CEP170: variants seen among roughly 807,000 people sequenced by gnomAD.
The protein encoded by CEP170 is centrosomal protein of 170 kDa.
Under a neutral mutation model 151.9 loss-of-function variants are expected in CEP170, and 21 were observed. That is an observed-to-expected ratio of 0.14 (90% CI 0.10 to 0.20). CEP170 has a LOEUF of 0.20. Among genes scored for constraint, CEP170 ranks in the 10% least tolerant of loss-of-function variants. The pLI, the probability that CEP170 is intolerant of heterozygous loss-of-function variation, is 1.00. For synonymous variants in CEP170, 356 were observed against 648.8 expected, an observed-to-expected ratio of 0.55 and a Z score of 6.86; for missense variants, 964 against 1,892.9, an observed-to-expected ratio of 0.51 and a Z score of 9.11.
rs3112073 is a variant in CEP170, at chr1:243,204,192, G to C, written c.275-3357C>G. On this transcript the variant is annotated intron_variant, in intron 4 of 19. Transcript: ENST00000366542. ...TTTTGTTATGGATATCAACCACATAGATAAGGAAAAATCTTAACTTCTCTG... is the reference window on the plus strand; with the variant it reads ...TTTTGTTATGGATATCAACCACATACATAAGGAAAAATCTTAACTTCTCTG... Among the ~76,000 whole-genome samples, 4 of 152,202 alleles carry C rather than the reference G, an allele frequency of 2.6e-5. No homozygotes were observed. The South Asian group carries it at 8.3e-4, about 32-fold the overall frequency.
chr1:243,196,475 G>C (rs1156258457), intron 7 of CEP170, among the ~76,000 whole-genome samples: 1 of 152,090 alleles, frequency 6.6e-6, no homozygotes, highest in African/African-American at 2.4e-5. Context: ...TGAAGTGTTA[G>C]CTATTACTGT....
chr1:243,154,488 CCTT>C (rs2057383432), intron 14 of CEP170, among the ~76,000 whole-genome samples: 1 of 152,176 alleles, frequency 6.6e-6, no homozygotes, highest in Non-Finnish European at 1.5e-5. Context: ...CCACCACCCT[CCTT>C]TTTTCTCCAC....
At chr1:243,137,830 G>T (rs1388300591) in intron 16 of CEP170, among the ~76,000 whole-genome samples, 4 of 151,476 alleles carry the variant, frequency 2.6e-5, no homozygotes, top group Admixed American at 2.0e-4. Flanking sequence ...ATTGATGAGT[G>T]GCATAAATAA....
intron 17 of CEP170, among the ~76,000 whole-genome samples, chr1:243,129,857 GGA>G (rs141463612): frequency 3.3e-5 from 5 of 150,716 alleles, no homozygotes; most frequent in African/African-American, 2.4e-5. Context: ...TTTGGGAGAG[GGA>G]GAGAGAGAGA....
chr1:243,148,297 G>A lies in CEP170; in HGVS notation c.3912-5834C>T, dbSNP rs182445298. 9.0e-4 allele frequency among the ~76,000 whole-genome samples: 137 copies of A among 151,786 alleles called. 1 individual carries two copies. Among genetic ancestry groups the A allele is most frequent in the Admixed American group, 4.1e-3 (62 of 15,246 alleles). ...TATTTGGTATCAGTATCAGCTGGGC[G>A]CGGTGGCTCATGCCTGTAATCCTAG... On this transcript the variant is annotated intron_variant, in intron 14 of 19. Coordinates refer to ENST00000366542, the MANE Select transcript of CEP170 (RefSeq NM_014812.3).
rs1365610474 is a variant in CEP170, at chr1:243,184,362, C to CTA, written c.1566+1415_1566+1416dup. 1.5e-3 allele frequency among the ~76,000 whole-genome samples: 226 copies of CTA among 150,924 alleles called. 2 individuals carry two copies. Among genetic ancestry groups the CTA allele is most frequent in the African/African-American group, 4.5e-3 (183 of 41,042 alleles). ...CTTAAATTGCACTCTCTCTCTCTCT[C>CTA]TATATATATATACATATAAAATCCT... On this transcript the variant is annotated intron_variant, in intron 10 of 19. Transcript: ENST00000366542.
At chr1:243,254,439 A>ACGGGGTGCAGTCGCCAGG (rs1422017714) in intron 1 of CEP170, 8 of 152,236 alleles carry the variant, frequency 5.3e-5, no homozygotes, top group Non-Finnish European at 7.3e-5. Flanking sequence ...CAGAGCCTCC[A>ACGGGGTGCAGTCGCCAGG]CGGGGTGCAG....
rs759253007 is a variant in CEP170, at chr1:243,186,041, C to T, written c.1304G>A (p.Gly435Asp). Residue 435 changes from glycine (G) to aspartate (D), a missense_variant, in exon 10 of 20, where the codon GGT becomes GAT. Transcript: ENST00000366542. The part of the protein sequence containing the change: ...TSSAHHRGGH[G>D]VPHGKLLKQK... ...TTTTAACAATTTCCCATGTGGAACA[C>T]CATGCCCCCCTCTGTGATGCGCAGA... The T allele has an allele frequency of 6.2e-7, 1 of 1,613,748 alleles. No individual in the cohort carries two copies. The highest frequency in any genetic ancestry group is 8.5e-7 in the Non-Finnish European group (1 of 1,179,694).
intron 14 of CEP170, among the ~76,000 whole-genome samples, chr1:243,154,264 TTATC>T (rs1386190351): frequency 7.9e-5 from 12 of 152,410 alleles, no homozygotes; most frequent in African/African-American, 9.6e-5. Flanking sequence ...AAAAGTGTCT[TTATC>T]TATTACTCTT....
intron 10 of CEP170, among the ~76,000 whole-genome samples, chr1:243,181,868 G>A (rs1034058418): frequency 6.6e-6 from 1 of 151,920 alleles, no homozygotes; most frequent in Non-Finnish European, 1.5e-5. Context: ...ATCAATGTTG[G>A]TGTTGCTGAG....
At chr1:243,170,503 G>A (rs1278262369) in intron 11 of CEP170, among the ~76,000 whole-genome samples, 5 of 152,132 alleles carry the variant, frequency 3.3e-5, no homozygotes, top group African/African-American at 2.4e-5. Context: ...GGTAAGAATA[G>A]TAAGTACAGG....
chr1:243,200,686 A>G lies in CEP170; in HGVS notation c.334-6T>C. 1 of 1,566,288 alleles carries G rather than the reference A, an allele frequency of 6.4e-7. No individual in the cohort carries two copies. Among genetic ancestry groups the G allele is most frequent in the Non-Finnish European group, 8.6e-7 (1 of 1,159,188 alleles). ...TGAATGGTAAACTTCTCATGCTATA[A>G]AACATTTAAAAATGGAAGTGAAACA... On this transcript the variant is annotated splice_region_variant and splice_polypyrimidine_tract_variant and intron_variant, in intron 5 of 19. Coordinates refer to ENST00000366542, the MANE Select transcript of CEP170 (RefSeq NM_014812.3).
At chr1:243,159,004 G>C (rs1245163256) in intron 13 of CEP170, among the ~76,000 whole-genome samples, 1 of 152,050 alleles carries the variant, frequency 6.6e-6, no homozygotes, top group Non-Finnish European at 1.5e-5. Context: ...GAGTCGGAGG[G>C]TGCAGTGAGC....
At chr1:243,221,582 A>G (rs1437329160) in intron 3 of CEP170, 142 bp downstream of exon 3, 20 of 752,458 alleles carry the variant, frequency 2.7e-5, no homozygotes, top group Middle Eastern at 2.7e-4. Flanking sequence ...TGGTCCCCAA[A>G]GTGCTATGTA....
intron 8 of CEP170, among the ~76,000 whole-genome samples, chr1:243,189,503 C>A (rs1335750830): frequency 6.7e-6 from 1 of 150,126 alleles, no homozygotes; most frequent in African/African-American, 2.5e-5. Context: ...TTGCAGTGAG[C>A]CGAGATCGCG....
intron 3 of CEP170, among the ~76,000 whole-genome samples, chr1:243,218,719 T>C (rs1360464731): frequency 6.6e-6 from 1 of 152,232 alleles, no homozygotes; most frequent in Non-Finnish European, 1.5e-5. Flanking sequence ...CTTACCATAA[T>C]AAAAATAACT....
intron 10 of CEP170, among the ~76,000 whole-genome samples, chr1:243,181,476 A>G (rs562125296): frequency 8.5e-5 from 13 of 152,340 alleles, no homozygotes; most frequent in Admixed American, 2.6e-4. Flanking sequence ...CTGTAATCTC[A>G]TAACTTGGCG....
intron 1 of CEP170, among the ~76,000 whole-genome samples, chr1:243,248,870 C>CA (rs2149187406): frequency 6.6e-6 from 1 of 152,292 alleles, no homozygotes; most frequent in African/African-American, 2.4e-5. Context: ...TTTCCTCACT[C>CA]ACCTTCAGCC....
intron 1 of CEP170, among the ~76,000 whole-genome samples, chr1:243,253,746 C>A (rs890983870): frequency 6.6e-6 from 1 of 152,164 alleles, no homozygotes; most frequent in South Asian, 2.1e-4. Flanking sequence ...CTGCTTTATT[C>A]TCTCTTCTGG....
Sources: allele counts gnomAD v4.1 joint callset (sites outside exome capture counted in the v4.1 genomes callset), GRCh38; gene constraint gnomAD v4.1.1; transcripts MANE v1.5; gene names NCBI Gene and HGNC (gene_info 2026-07-23, HGNC 2026-07-21).